The following CTNNA1 variants were observed in gnomAD, a reference collection of about 807,000 sequenced individuals.
CTNNA1 encodes catenin alpha 1, also known as catenin alpha-1.
CTNNA1 carries 37 observed loss-of-function variants against 98.4 expected under a neutral mutation model. That is an observed-to-expected ratio of 0.38 (90% CI 0.29 to 0.49). The LOEUF (loss-of-function observed/expected upper bound fraction) is 0.49. Ranked by LOEUF, CTNNA1 falls within the 20% of genes least tolerant of loss-of-function variation. The pLI, the probability that CTNNA1 is intolerant of heterozygous loss-of-function variation, is 0.95. For synonymous variants in CTNNA1, 404 were observed against 413.2 expected (o/e 0.98, Z 0.27); for missense variants, 761 against 1,147.2 (o/e 0.66, Z 4.86).
intron 7 of CTNNA1, chr5:138,880,900 C>G: frequency 5.1e-6 from 2 of 389,658 alleles, no homozygotes; most frequent in Non-Finnish European, 1.0e-5. Context: ...TTAATAGGTT[C>G]TGGGCTGGAG....
rs183672398 is a variant in CTNNA1 at position 138,855,448 on chromosome 5, C to G, written c.1062+27730C>G. ...GAAACTGCAAAGTTACCAGCAGATG[C>G]CCTTTACTTTCAGTGAGAGAAAATT... On this transcript the variant is annotated intron_variant, in intron 7 of 17. Coordinates refer to ENST00000302763, the MANE Select transcript of CTNNA1 (RefSeq NM_001903.5). Among the ~76,000 whole-genome samples, 3 of 151,936 alleles carry G rather than the reference C, an allele frequency of 2.0e-5. No homozygotes were observed. The East Asian group carries it at 5.8e-4, about 29-fold the overall frequency.
At chr5:138,859,232 G>T (rs1202433663) in intron 7 of CTNNA1, among the ~76,000 whole-genome samples, 1 of 152,180 alleles carries the variant, frequency 6.6e-6, no homozygotes, top group Non-Finnish European at 1.5e-5. Context: ...ACTTGTTCAA[G>T]TGGCTTTGAT....
intron 1 of CTNNA1, among the ~76,000 whole-genome samples, chr5:138,762,917 A>G (rs970701364): frequency 3.3e-5 from 5 of 152,060 alleles, no homozygotes; most frequent in Non-Finnish European, 7.4e-5. Context: ...CAGAAGAAAA[A>G]TTTATCTTTC....
intron 1 of CTNNA1, among the ~76,000 whole-genome samples, chr5:138,759,839 G>T (rs182814777): frequency 4.6e-4 from 70 of 152,134 alleles, no homozygotes; most frequent in African/African-American, 1.7e-3. Context: ...TCTTTCCTTG[G>T]AAGTTGCAAG....
At chr5:138,933,205 G>A (rs1765784552) in intron 17 of CTNNA1, among the ~76,000 whole-genome samples, 1 of 152,132 alleles carries the variant, frequency 6.6e-6, no homozygotes, top group Non-Finnish European at 1.5e-5. Context: ...AGTAGACATA[G>A]ATAGGGTGTT....
chr5:138,852,964 A>G (rs567755936), intron 7 of CTNNA1, among the ~76,000 whole-genome samples: 6 of 151,626 alleles, frequency 4.0e-5, no homozygotes, highest in Non-Finnish European at 7.4e-5. Flanking sequence ...TTCATCAGTA[A>G]CTCATGGAAA....
At chr5:138,814,942 C>T (rs1217678169) in intron 5 of CTNNA1, among the ~76,000 whole-genome samples, 1 of 152,002 alleles carries the variant, frequency 6.6e-6, no homozygotes, top group African/African-American at 2.4e-5. Context: ...TTAGTAGAGA[C>T]GGGGTTTCAC....
chr5:138,786,558 T>C (rs1755733854), intron 3 of CTNNA1, among the ~76,000 whole-genome samples: 1 of 152,190 alleles, frequency 6.6e-6, no homozygotes, highest in Non-Finnish European at 1.5e-5. Flanking sequence ...TAGAATGTGG[T>C]AGAAGTGGTG....
intron 8 of CTNNA1, among the ~76,000 whole-genome samples, chr5:138,886,845 A>C (rs1463351871): frequency 6.6e-6 from 1 of 152,186 alleles, no homozygotes; most frequent in East Asian, 1.9e-4. Context: ...TTTAGTCTTT[A>C]AAGAAGTTAG....
chr5:138,876,726 T>G (rs2149955092), intron 7 of CTNNA1, among the ~76,000 whole-genome samples: 1 of 152,352 alleles, frequency 6.6e-6, no homozygotes, highest in Non-Finnish European at 1.5e-5. Flanking sequence ...TGGGCAGATC[T>G]AAGAAGTAAT....
chr5:138,870,400 T>C (rs558961227), intron 7 of CTNNA1: 1 of 152,364 alleles, frequency 6.6e-6, no homozygotes, highest in African/African-American at 2.4e-5. Context: ...TTCACTTTTC[T>C]TAAAGGACAT....
intron 7 of CTNNA1, among the ~76,000 whole-genome samples, chr5:138,857,736 G>A (rs1763855750): frequency 6.6e-6 from 1 of 152,188 alleles, no homozygotes; most frequent in African/African-American, 2.4e-5. Flanking sequence ...ATTTATACAA[G>A]GTCCCATAGC....
At chr5:138,772,127 T>C (rs1392574113) in intron 1 of CTNNA1, among the ~76,000 whole-genome samples, 1 of 152,236 alleles carries the variant, frequency 6.6e-6, no homozygotes, top group Non-Finnish European at 1.5e-5. Flanking sequence ...TTGGTTCTGA[T>C]AGAACTATGC....
At chr5:138,803,272 G>A (rs1238363639) in intron 3 of CTNNA1, among the ~76,000 whole-genome samples, 1 of 151,670 alleles carries the variant, frequency 6.6e-6, no homozygotes, top group African/African-American at 2.4e-5. Context: ...TCCCATCTTA[G>A]CCTCCCAAGT....
rs1043835647 is a variant in CTNNA1 at position 138,874,202 on chromosome 5, T to G, written c.1063-12010T>G. ...AGTTGTGTTTGGCAAGTAAAATATT[T>G]TGTTGGAACTTAAGATTAATTCCTT... On this transcript the variant is annotated intron_variant, in intron 7 of 17. Coordinates refer to ENST00000302763, the MANE Select transcript of CTNNA1 (RefSeq NM_001903.5). This position sits in a 1 kb window ranked among gnomAD's most constrained non-coding sequence, Gnocchi z 4.1. 5 of 1,613,994 alleles carry G rather than the reference T, an allele frequency of 3.1e-6. No individual in the cohort carries two copies. The highest frequency in any genetic ancestry group is 3.4e-6 in the Non-Finnish European group (4 of 1,179,890).
rs528356668 is a variant in CTNNA1 at position 138,759,184 on chromosome 5, T to C, written c.-3+5674T>C. Among the ~76,000 whole-genome samples the C allele has an allele frequency of 2.7e-4, 41 of 152,354 alleles. No individual in the cohort carries two copies. In the East Asian group the frequency reaches 4.4e-3, roughly 16 times the overall value. On this transcript the variant is annotated intron_variant, in intron 1 of 17. Coordinates refer to ENST00000302763, the MANE Select transcript of CTNNA1 (RefSeq NM_001903.5). ...TGTATCTTTGTATGACCTGGGACTT[T>C]TTAATTTTTTTTTGAAAACTGGACA...
chr5:138,841,405 G>A (rs1271590130), intron 7 of CTNNA1, among the ~76,000 whole-genome samples: 1 of 151,926 alleles, frequency 6.6e-6, no homozygotes, highest in East Asian at 1.9e-4. Flanking sequence ...GATTACAGGC[G>A]CCCGCTACCA....
Position 138,824,758 on chromosome 5 carries a change from G to A in CTNNA1, c.817G>A (p.Gly273Arg), listed in dbSNP as rs2149776617. 6.2e-7 allele frequency: 1 copy of A among 1,613,556 alleles called. No individual in the cohort carries two copies. The highest frequency in any genetic ancestry group is 8.5e-7 in the Non-Finnish European group (1 of 1,179,486). ...ASDDASQHQG[G>R]GGGELAYALN... The stretch of plus-strand genomic sequence containing the variant: ...AGACGATGCCTCACAGCACCAGGGT[G>A]GAGGAGGAGGAGAACTGGCATATGC... Residue 273 changes from glycine (G) to arginine (R), a missense_variant, in exon 6 of 18, where the codon GGA (glycine) becomes AGA (arginine). Around this residue, in one of 6 missense-constraint regions of CTNNA1, gnomAD observed 328 missense variants for 354.3 expected, o/e 0.93. Transcript: ENST00000302763.
chr5:138,835,670 A>G (rs1056886391), intron 7 of CTNNA1, among the ~76,000 whole-genome samples: 1 of 152,108 alleles, frequency 6.6e-6, no homozygotes, highest in African/African-American at 2.4e-5. Context: ...TTTAAGGTAT[A>G]CAAGGTGATA....
Sources: allele counts gnomAD v4.1 joint callset (sites outside exome capture counted in the v4.1 genomes callset), GRCh38; gene constraint gnomAD v4.1.1; regional missense constraint gnomAD v4.1.1; non-coding constraint Gnocchi (gnomAD v3.1); transcripts MANE v1.5; gene names NCBI Gene and HGNC (gene_info 2026-07-23, HGNC 2026-07-21).